PRPF4: variants seen among roughly 807,000 people sequenced by gnomAD.
PRPF4 encodes pre-mRNA splicing tri-snRNP complex factor PRPF4.
PRPF4 carries 14 observed loss-of-function variants against 72.2 expected under a neutral mutation model. That is an observed-to-expected ratio of 0.19 (90% CI 0.13 to 0.30). PRPF4 has a LOEUF of 0.30. PRPF4 is among the 10% of genes least tolerant of loss of function. The pLI is 1.00. For synonymous variants in PRPF4, 225 were observed against 232.2 expected (o/e 0.97, Z 0.28); for missense variants, 478 against 653.9 (o/e 0.73, Z 2.93).
chr9:113,278,662 T>G (rs1398030356), intron 2 of PRPF4, among the ~76,000 whole-genome samples: 5 of 152,248 alleles, frequency 3.3e-5, no homozygotes, highest in African/African-American at 1.2e-4. Flanking sequence ...GCAAAAGATG[T>G]TCTGTACTCT....
In PRPF4 at chr9:113,291,555, G is replaced by A; in HGVS notation, c.1461G>A (p.Leu487=). 1 of 1,614,152 alleles carries A rather than the reference G, an allele frequency of 6.2e-7. No homozygotes were observed. The highest frequency in any genetic ancestry group is 1.1e-5 in the South Asian group (1 of 91,078). Residue 487 remains leucine, a synonymous_variant, in exon 14 of 14, where the codon CTG becomes CTA. Coordinates refer to ENST00000374198, the MANE Select transcript of PRPF4 (RefSeq NM_001244926.2). Reference sequence around the variant, plus strand: ...CAGGCTGGTCCCCGCTGAAGACTCTGGCTGGCCACGAAGGCAAAGTGATGG... The same window carrying A: ...CAGGCTGGTCCCCGCTGAAGACTCTAGCTGGCCACGAAGGCAAAGTGATGG... ...THPGWSPLKT[L]AGHEGKVMGL...
intron 7 of PRPF4, among the ~76,000 whole-genome samples, chr9:113,284,750 A>C (rs887683803): frequency 2.0e-5 from 3 of 152,188 alleles, no homozygotes; most frequent in African/African-American, 7.2e-5. Flanking sequence ...AATTTCTGTA[A>C]GCTTCAGTGT....
chr9:113,283,004 C>G, intron 4 of PRPF4, 128 bp from the exon 5 acceptor site: 1 of 1,513,860 alleles, frequency 6.6e-7, no homozygotes, highest in South Asian at 1.3e-5. Flanking sequence ...AGAAAGTCCT[C>G]TGCCTGATTT....
chr9:113,290,816 AAC>A lies in PRPF4; in HGVS notation c.1253+14_1253+15del. 6.2e-7 allele frequency: 1 copy of A among 1,613,994 alleles called. No individual in the cohort carries two copies. The highest frequency in any genetic ancestry group is 8.5e-7 in the Non-Finnish European group (1 of 1,179,834). On this transcript the variant is annotated intron_variant, in intron 12 of 13. Coordinates refer to ENST00000374198, the MANE Select transcript of PRPF4 (RefSeq NM_001244926.2). ...AATTTCTCCCCCAATGGGTAAAATA[AAC>A]ACACTGAATGAGGGGCGAAAAAGGG...
intron 3 of PRPF4, among the ~76,000 whole-genome samples, chr9:113,280,317 ACTTGCC>A (rs1327771776): frequency 6.6e-6 from 1 of 151,708 alleles, no homozygotes; most frequent in Non-Finnish European, 1.5e-5. Flanking sequence ...CTTTTTCTCT[ACTTGCC>A]CTTGGTGATC....
Position 113,290,508 on chromosome 9 carries a change from G to A in PRPF4, c.1065G>A (p.Glu355=), listed in dbSNP as rs956512222. 1.9e-6 allele frequency: 3 copies of A among 1,614,194 alleles called. No homozygotes were observed. Among genetic ancestry groups the A allele is most frequent in the African/African-American group, 2.7e-5 (2 of 75,046 alleles). ...SWRLWDLEAQ[E]EILHQEGHSM... Reference sequence around the variant, plus strand: ...GCTTATGGGATTTGGAGGCTCAAGAGGAGATCCTGCATCAGGAAGGCCATA... The same window carrying A: ...GCTTATGGGATTTGGAGGCTCAAGAAGAGATCCTGCATCAGGAAGGCCATA... The change falls in exon 11 of 14, where the codon GAG becomes GAA. Residue 355 remains glutamate (E), a synonymous_variant. Coordinates refer to ENST00000374198, the MANE Select transcript of PRPF4 (RefSeq NM_001244926.2).
Position 113,275,703 on chromosome 9 carries a change from T to A in PRPF4, c.-41T>A. ...GCGCGGTGGACGGTCTGAAAGGGAGTGTTCGGGTTTCGCTGGGGCCTCGCG... is the reference window on the plus strand; with the variant it reads ...GCGCGGTGGACGGTCTGAAAGGGAGAGTTCGGGTTTCGCTGGGGCCTCGCG... On this transcript the variant is annotated 5_prime_UTR_variant, in exon 1 of 14. Transcript: ENST00000374198. The A allele has an allele frequency of 6.2e-7, 1 of 1,600,584 alleles. No individual in the cohort carries two copies. Among genetic ancestry groups the A allele is most frequent in the South Asian group, 1.1e-5 (1 of 89,996 alleles).
Position 113,291,837 on chromosome 9 carries a change from G to A in PRPF4, c.*177G>A, listed in dbSNP as rs1278378060. 2.4e-5 allele frequency: 15 copies of A among 615,020 alleles called. No individual in the cohort carries two copies. Among genetic ancestry groups the A allele is most frequent in the Admixed American group, 1.6e-4 (5 of 32,006 alleles). 38.1% of individuals were successfully genotyped at this position (615,020 alleles called of 1,614,324 possible). A position where few individuals can be genotyped will look rare whatever the true frequency, so the allele number is the denominator to read the frequency against. On this transcript the variant is annotated 3_prime_UTR_variant, in exon 14 of 14. Transcript: ENST00000374198. ...CTCCAGGAAGGCAGCCCAATCCCTAGGTGATGGGGAACCCCTCTCACGGTT... is the reference window on the plus strand; with the variant it reads ...CTCCAGGAAGGCAGCCCAATCCCTAAGTGATGGGGAACCCCTCTCACGGTT...
At chr9:113,288,381 C>A in intron 10 of PRPF4, 117 bp downstream of exon 10, 1 of 905,550 alleles carries the variant, frequency 1.1e-6, no homozygotes, top group Admixed American at 2.5e-5. Context: ...TTTTCTTGGG[C>A]TGCAGGGAAT....
At chr9:113,282,817 T>C in intron 4 of PRPF4, 84 bp downstream of exon 4, 2 of 1,208,198 alleles carry the variant, frequency 1.7e-6, no homozygotes, top group Non-Finnish European at 2.4e-6. Context: ...AATGGTTTGT[T>C]TTGCTGAGAT....
chr9:113,276,721 C>T lies in PRPF4; in HGVS notation c.201C>T (p.Thr67=), dbSNP rs1402399101. The change falls in exon 2 of 14, where the codon ACC becomes ACT. Residue 67 remains threonine, a synonymous_variant. Transcript: ENST00000374198. Reference sequence around the variant, plus strand: ...TCGAAGCTGGAAATATTAATATAACCTCTGGTAAGATGCAAATTGTGAGCC... The same window carrying T: ...TCGAAGCTGGAAATATTAATATAACTTCTGGTAAGATGCAAATTGTGAGCC... ...AGIEAGNINI[T]SGEVFEIEEH... 3.1e-6 allele frequency: 5 copies of T among 1,608,040 alleles called. No individual in the cohort carries two copies. In the South Asian group the frequency reaches 4.4e-5, roughly 14 times the overall value.
In PRPF4 at chr9:113,290,582, G is replaced by A; in HGVS notation, c.1139G>A (p.Gly380Asp). ...TTCCATCAAGATGGCTCTTTGGCTG[G>A]CACTGGGTAAGGCTTCTCCCATGTA... is the stretch of plus-strand genomic sequence containing the variant. ...IAFHQDGSLA[G>D]TGGLDAFGRV... Residue 380 changes from glycine (G) to aspartate (D), a missense_variant, in exon 11 of 14, where the codon GGC becomes GAC. By Grantham distance (94) the Gly-to-Asp change is moderately conservative. Coordinates refer to ENST00000374198, the MANE Select transcript of PRPF4 (RefSeq NM_001244926.2). The A allele has an allele frequency of 6.2e-7, 1 of 1,614,168 alleles. No homozygotes were observed. The highest frequency in any genetic ancestry group is 8.5e-7 in the Non-Finnish European group (1 of 1,180,042).
At chr9:113,287,205 A>T (rs1473407859) in intron 9 of PRPF4, among the ~76,000 whole-genome samples, 1 of 152,060 alleles carries the variant, frequency 6.6e-6, no homozygotes, top group Non-Finnish European at 1.5e-5. Context: ...TTAACTTTGG[A>T]TCTTGATTTT....
chr9:113,276,059 T>TTA (rs2118578271), intron 1 of PRPF4, among the ~76,000 whole-genome samples: 1 of 152,346 alleles, frequency 6.6e-6, no homozygotes, highest in African/African-American at 2.4e-5. Context: ...TGGCCAAGGT[T>TTA]TATGCCTTTG....
At position 113,276,874 on chromosome 9, in the gene PRPF4, G is replaced by A. The variant is rs1564240628; in HGVS notation, c.205+149G>A. On this transcript the variant is annotated intron_variant, in intron 2 of 13. Transcript: ENST00000374198. ...TCTGTCGCCAGGCTGGAGTGCAGTG[G>A]TGCGATCTTGGCTCACTGCAACCTC... 6.7e-6 allele frequency: 6 copies of A among 896,820 alleles called. No individual in the cohort carries two copies. The South Asian group carries it at 6.7e-5, about 10-fold the overall frequency. The allele number at this position is 896,820 out of a possible 1,614,324, so 55.6% of individuals were successfully genotyped here. A position where few individuals can be genotyped will look rare whatever the true frequency, so the allele number is the denominator to read the frequency against.
chr9:113,283,293 A>G (rs368283641), intron 5 of PRPF4, 82 bp downstream of exon 5: 4 of 1,612,526 alleles, frequency 2.5e-6, no homozygotes, highest in Non-Finnish European at 1.7e-6. Context: ...GATAATGACT[A>G]TGGTTGTTAA....
chr9:113,284,662 G>A (rs184641564), intron 7 of PRPF4, among the ~76,000 whole-genome samples: 1 of 152,282 alleles, frequency 6.6e-6, no homozygotes, highest in Admixed American at 6.5e-5. Context: ...AGGTCCTGTA[G>A]TGAGTTTATA....
At chr9:113,280,442 A>G (rs939611868) in intron 3 of PRPF4, among the ~76,000 whole-genome samples, 10 of 152,152 alleles carry the variant, frequency 6.6e-5, no homozygotes, top group African/African-American at 2.4e-4. Context: ...CTGAATTGAA[A>G]TATTTCCCCA....
intron 7 of PRPF4, among the ~76,000 whole-genome samples, chr9:113,284,688 A>G (rs934619337): frequency 2.6e-5 from 4 of 152,208 alleles, no homozygotes; most frequent in Admixed American, 6.5e-5. Context: ...ACTAGTATCC[A>G]TAACTCAGTC....
Sources: gnomAD v4.1 joint callset for allele counts (sites outside exome capture counted in the v4.1 genomes callset) on GRCh38, gnomAD v4.1.1 for gene constraint, MANE v1.5 for transcripts, NCBI Gene and HGNC (gene_info 2026-07-23, HGNC 2026-07-21) for gene names.